Variants in CAGE1 observed in about 807,000 individuals in gnomAD.
CAGE1 encodes cancer-associated gene 1 protein.
Under a neutral mutation model 94.9 loss-of-function variants are expected in CAGE1, and 66 were observed. The ratio of observed to expected loss-of-function variants is 0.70; its 90% confidence interval spans 0.57 to 0.85. The LOEUF is 0.85. Ranked by LOEUF, CAGE1 falls within the 40% of genes least tolerant of loss-of-function variation. The pLI is 0.00. For synonymous variants in CAGE1, 319 were observed against 321.0 expected (o/e 0.99, Z 0.07); for missense variants, 865 against 950.4 (o/e 0.91, Z 1.18).
At chr6:7,375,586 T>G (rs546117857) in intron 4 of CAGE1, among the ~76,000 whole-genome samples, 1 of 152,128 alleles carries the variant, frequency 6.6e-6, no homozygotes, top group Non-Finnish European at 1.5e-5. Context: ...AAAAAATATT[T>G]TAAAAATCAG....
chr6:7,342,502 T>A (rs1313459532), intron 11 of CAGE1, among the ~76,000 whole-genome samples: 1 of 152,198 alleles, frequency 6.6e-6, no homozygotes, highest in Non-Finnish European at 1.5e-5. Context: ...GTCTGACTGA[T>A]GACTCATACT....
chr6:7,345,358 C>T (rs544674439), intron 11 of CAGE1, among the ~76,000 whole-genome samples: 1 of 151,308 alleles, frequency 6.6e-6, no homozygotes. Context: ...AAACTCTGAA[C>T]ACATCAGAAC....
At chr6:7,334,725 C>CAAAAAAAAAAAAAAAA (rs58790989) in intron 11 of CAGE1, among the ~76,000 whole-genome samples, 8 of 67,898 alleles carry the variant, frequency 1.2e-4, no homozygotes, top group African/African-American at 5.8e-4. Context: ...GACTCTCTCT[C>CAAAAAAAAAAAAAAAA]AAAAAAAAAA....
intron 7 of CAGE1, 113 bp from the exon 8 acceptor site, chr6:7,365,997 G>T (rs577962760): frequency 1.6e-6 from 1 of 627,978 alleles, no homozygotes; most frequent in Non-Finnish European, 2.7e-6. Flanking sequence ...TATAATCCCA[G>T]CACTTTGGGA....
rs574460085 is a variant in CAGE1, at chr6:7,343,198, A to AAAAAAAAAAAGAAAAG, written c.2370-9109_2370-9108insCTTTTCTTTTTTTTTT. ...TGCGAGACTCTGTCCCACAAAAAAA[A>AAAAAAAAAAAGAAAAG]AAAAGAAAAGAAAAGAAAAGAAAAA... is the stretch of plus-strand genomic sequence containing the variant. On this transcript the variant is annotated intron_variant, in intron 11 of 13. Transcript: ENST00000502583. 1.0e-4 allele frequency among the ~76,000 whole-genome samples: 14 copies of AAAAAAAAAAAGAAAAG among 137,360 alleles called. No individual in the cohort carries two copies. The East Asian group carries it at 2.3e-3, about 23-fold the overall frequency. The allele number at this position is 137,360 out of a possible 152,430, so 90.1% of individuals were successfully genotyped here.
At position 7,378,956 on chromosome 6, in the gene CAGE1, A is replaced by G; in HGVS notation, c.348T>C (p.Ser116=). The G allele has an allele frequency of 6.3e-7, 1 of 1,579,028 alleles. No individual in the cohort carries two copies. Among genetic ancestry groups the G allele is most frequent in the Non-Finnish European group, 8.6e-7 (1 of 1,160,678 alleles). ...AAACGGTTTCAAATTGTCTCAAGGA[A>G]GATATGCTGATGGTGTCAACTGGCT... is the stretch of plus-strand genomic sequence containing the variant. The part of the protein sequence containing the change: ...LIQPVDTISI[S]SLRQFETVCK... Residue 116 remains serine (S), a synonymous_variant, in exon 4 of 14, where the codon TCT becomes TCC. Coordinates refer to ENST00000502583, the MANE Select transcript of CAGE1 (RefSeq NM_001170692.2).
Position 7,389,352 on chromosome 6 carries a change from TGGGA to T in CAGE1, c.-178_-175del. The T allele has an allele frequency of 2.2e-6, 1 of 456,020 alleles. No homozygotes were observed. The allele number at this position is 456,020 out of a possible 1,614,324, so 28.2% of individuals were successfully genotyped here. The stretch of plus-strand genomic sequence containing the variant: ...CTCCCTCCCTCTGCACCGGGTTTTG[TGGGA>T]GGGAGAACGCTTTCCAACCTCCTCC... On this transcript the variant is annotated 5_prime_UTR_variant, in exon 1 of 14. Coordinates refer to ENST00000502583, the MANE Select transcript of CAGE1 (RefSeq NM_001170692.2).
intron 3 of CAGE1, among the ~76,000 whole-genome samples, chr6:7,385,236 C>G (rs1490715356): frequency 3.3e-5 from 5 of 151,916 alleles, no homozygotes; most frequent in Admixed American, 3.3e-4. Context: ...AACTCCCGAC[C>G]TCAGGTGATC....
Position 7,387,145 on chromosome 6 carries a change from G to A in CAGE1, c.29C>T (p.Ser10Leu), listed in dbSNP as rs181766970. 25 of 1,551,206 alleles carry A rather than the reference G, an allele frequency of 1.6e-5. No individual in the cohort carries two copies. The African/African-American group carries it at 3.0e-4, about 19-fold the overall frequency. Residue 10 changes from serine (S) to leucine (L), a missense_variant, in exon 2 of 14, where the codon TCA (serine) becomes TTA (leucine). By Grantham distance (145) the Ser-to-Leu change is moderately radical. Transcript: ENST00000502583. The part of the protein sequence containing the change: MNKDYQKFW[S>L]SPSDPVHFEV... Reference sequence around the variant, plus strand: ...AAAATGTACAGGATCTGAAGGTGATGACCAAAATTTTTGATAGTCCTTGTT... The same window carrying A: ...AAAATGTACAGGATCTGAAGGTGATAACCAAAATTTTTGATAGTCCTTGTT...
rs74944145 is a variant in CAGE1, at chr6:7,373,009, G to A, written c.1746+64C>T. On this transcript the variant is annotated intron_variant, in intron 5 of 13. Transcript: ENST00000502583. ...AAATATAAGTGCCACGTCTAAATAC[G>A]CATCACTAGACCACTAGAAACTCTT... The A allele has an allele frequency of 1.3e-4, 141 of 1,121,092 alleles. 3 individuals are homozygous for A. The South Asian group carries it at 1.9e-3, about 15-fold the overall frequency. 69.4% of individuals were successfully genotyped at this position (1,121,092 alleles called of 1,614,324 possible).
chr6:7,340,126 G>A (rs563913996), intron 11 of CAGE1, among the ~76,000 whole-genome samples: 120 of 152,320 alleles, frequency 7.9e-4, no homozygotes, highest in African/African-American at 2.7e-3. Context: ...CAGGAGTAAG[G>A]TAGTATCACA....
chr6:7,347,526 G>A (rs1294405846), intron 11 of CAGE1: 1 of 106,454 alleles, frequency 9.4e-6, no homozygotes, highest in Admixed American at 9.7e-5. Context: ...TGGGGGGGGC[G>A]GTGGGGGAAC....
chr6:7,358,370 T>C lies in CAGE1; in HGVS notation c.2194-2241A>G, dbSNP rs116191493. ...ATGTTGCATGTGTTTCAGTAGTTCA[T>C]CCCTTTTTTATGACTGAGGAGTATT... On this transcript the variant is annotated intron_variant, in intron 9 of 13. Transcript: ENST00000502583. 6.7e-3 allele frequency among the ~76,000 whole-genome samples: 1,015 copies of C among 152,234 alleles called. 13 individuals carry two copies. Among genetic ancestry groups the C allele is most frequent in the African/African-American group, 0.022 (919 of 41,532 alleles).
intron 9 of CAGE1, among the ~76,000 whole-genome samples, chr6:7,361,062 G>A (rs767001943): frequency 2.6e-5 from 4 of 152,186 alleles, no homozygotes; most frequent in Non-Finnish European, 5.9e-5. Flanking sequence ...ACACTCCAGT[G>A]TCATATTTGC....
At chr6:7,340,099 G>T (rs543122989) in intron 11 of CAGE1, among the ~76,000 whole-genome samples, 2 of 152,028 alleles carry the variant, frequency 1.3e-5, no homozygotes, top group African/African-American at 2.4e-5. Flanking sequence ...TTGATTTTTT[G>T]ATTATGGTCA....
chr6:7,368,744 T>C lies in CAGE1; in HGVS notation c.1948A>G (p.Ile650Val), dbSNP rs1324225119. 7 of 1,561,610 alleles carry C rather than the reference T, an allele frequency of 4.5e-6. No homozygotes were observed. The East Asian group carries it at 1.6e-4, about 36-fold the overall frequency. Reference sequence around the variant, plus strand: ...AGGCTCTTCAGTTTTTGCAGCATTATATCACTAACCTTCTCACTCTCTTTG... The same window carrying C: ...AGGCTCTTCAGTTTTTGCAGCATTACATCACTAACCTTCTCACTCTCTTTG... ...HFKESEKVSDIMLQKLKSLHL... is the reference protein window; with the variant it reads ...HFKESEKVSDVMLQKLKSLHL... The change falls in exon 7 of 14, where the codon ATA becomes GTA. Residue 650 changes from isoleucine to valine, a missense_variant. Coordinates refer to ENST00000502583, the MANE Select transcript of CAGE1 (RefSeq NM_001170692.2).
At chr6:7,340,866 C>A in intron 11 of CAGE1, 1 of 434,792 alleles carries the variant, frequency 2.3e-6, no homozygotes. Context: ...TGCAGCACAC[C>A]ACAGAACTGA....
chr6:7,378,508 C>T, intron 4 of CAGE1, 109 bp downstream of exon 4: 1 of 880,580 alleles, frequency 1.1e-6, no homozygotes, highest in Non-Finnish European at 1.7e-6. Context: ...ACAGGCTTTA[C>T]TGACCATCAC....
rs1385958539 is a variant in CAGE1, at chr6:7,328,927, TATATA to T, written c.2478+917_2478+921del. On this transcript the variant is annotated intron_variant, in intron 13 of 13. Coordinates refer to ENST00000502583, the MANE Select transcript of CAGE1 (RefSeq NM_001170692.2). ...GTGTGTGTGTGTGTGTGTATATATA[TATATA>T]TATTTTTTTTTTTTTTTGAGATAGA... is the stretch of plus-strand genomic sequence containing the variant. 9.2e-3 allele frequency among the ~76,000 whole-genome samples: 954 copies of T among 103,394 alleles called. 47 individuals carry two copies. The highest frequency in any genetic ancestry group is 0.013 in the Non-Finnish European group (656 of 48,688). The allele number at this position is 103,394 out of a possible 152,430, so 67.8% of individuals were successfully genotyped here.
Sources: allele counts gnomAD v4.1 joint callset (sites outside exome capture counted in the v4.1 genomes callset), GRCh38; gene constraint gnomAD v4.1.1; transcripts MANE v1.5; gene names NCBI Gene and HGNC (gene_info 2026-07-23, HGNC 2026-07-21).